The following GPR158 variants were observed in gnomAD, a reference collection of about 807,000 sequenced individuals.
GPR158 encodes metabotropic glycine receptor.
GPR158 carries 30 observed loss-of-function variants against 78.2 expected under a neutral mutation model. The observed-to-expected ratio is 0.38, with a 90% CI of 0.29 to 0.52. The LOEUF (loss-of-function observed/expected upper bound fraction) is 0.52. Ranked by LOEUF, GPR158 falls within the 20% of genes least tolerant of loss-of-function variation. The probability of loss-of-function intolerance (pLI) is 0.83; values close to 1 mark genes in which losing one functional copy is unlikely to be tolerated. For synonymous variants in GPR158, 581 were observed against 591.1 expected (o/e 0.98, Z 0.25); for missense variants, 1,463 against 1,523.5 (o/e 0.96, Z 0.66).
At chr10:25,420,328 T>TAA (rs1398703756) in intron 4 of GPR158, among the ~76,000 whole-genome samples, 1 of 15,786 alleles carries the variant, frequency 6.3e-5, no homozygotes, top group East Asian at 4.2e-4. Flanking sequence ...TTTGAAACAT[T>TAA]TTTTTGTAGA....
intron 2 of GPR158, among the ~76,000 whole-genome samples, chr10:25,235,898 A>G (rs901964663): frequency 6.6e-6 from 1 of 151,682 alleles, no homozygotes; most frequent in African/African-American, 2.4e-5. Flanking sequence ...GGGTTTCATC[A>G]TGTTAGCCAG....
intron 5 of GPR158, among the ~76,000 whole-genome samples, chr10:25,541,966 A>C: frequency 6.8e-6 from 1 of 147,544 alleles, no homozygotes; most frequent in East Asian, 1.9e-4. Context: ...TATATATTAT[A>C]TATTATAATT....
At chr10:25,527,282 C>T (rs913200239) in intron 5 of GPR158, among the ~76,000 whole-genome samples, 2 of 152,026 alleles carry the variant, frequency 1.3e-5, no homozygotes, top group African/African-American at 4.8e-5. Flanking sequence ...AATTGATATA[C>T]ACAAAACTAC....
intron 4 of GPR158, among the ~76,000 whole-genome samples, chr10:25,430,549 G>T (rs1462900517): frequency 1.3e-5 from 2 of 150,468 alleles, no homozygotes; most frequent in South Asian, 4.3e-4. Flanking sequence ...AGCCTGCATC[G>T]CCAAGTCAAT....
chr10:25,568,551 G>A (rs1356199136), intron 6 of GPR158, among the ~76,000 whole-genome samples: 1 of 152,172 alleles, frequency 6.6e-6, no homozygotes, highest in Non-Finnish European at 1.5e-5. Context: ...AAAATAAGAA[G>A]TGAACAATAT....
At chr10:25,404,266 T>C (rs1834483036) in intron 3 of GPR158, among the ~76,000 whole-genome samples, 1 of 152,100 alleles carries the variant, frequency 6.6e-6, no homozygotes, top group Admixed American at 6.6e-5. Flanking sequence ...TTTACAACTT[T>C]GTGTTCCTTT....
rs113662109 is a variant in GPR158, at chr10:25,509,194, C to T, written c.1405-41782C>T. On this transcript the variant is annotated intron_variant, in intron 5 of 10. Coordinates refer to ENST00000376351, the MANE Select transcript of GPR158 (RefSeq NM_020752.3). ...GATCAAAAATGTCTCTGGACATTTT[C>T]ACATGTCACCTGGGAGCACAATCGC... Among the ~76,000 whole-genome samples, 1,351 of 152,228 alleles carry T rather than the reference C, an allele frequency of 8.9e-3. 22 individuals are homozygous for T. The highest frequency in any genetic ancestry group is 0.031 in the African/African-American group (1,281 of 41,538).
intron 4 of GPR158, among the ~76,000 whole-genome samples, chr10:25,444,572 G>T (rs1004445382): frequency 2.7e-5 from 4 of 150,716 alleles, no homozygotes; most frequent in Non-Finnish European, 5.9e-5. Flanking sequence ...GCATTTGTGT[G>T]GAGGAGTGTG....
chr10:25,224,256 CTTGT>C (rs1564395396), intron 2 of GPR158, among the ~76,000 whole-genome samples: 1 of 151,618 alleles, frequency 6.6e-6, no homozygotes, highest in Non-Finnish European at 1.5e-5. Context: ...TTTTCTTTTG[CTTGT>C]TTGAAGTGTA....
chr10:25,196,530 T>C (rs1852846995), intron 1 of GPR158, among the ~76,000 whole-genome samples: 1 of 152,214 alleles, frequency 6.6e-6, no homozygotes, highest in South Asian at 2.1e-4. Flanking sequence ...TTTTTATGAT[T>C]GAAGGACTAG....
At chr10:25,576,158 G>A (rs1837092763) in intron 7 of GPR158, among the ~76,000 whole-genome samples, 1 of 151,994 alleles carries the variant, frequency 6.6e-6, no homozygotes. Context: ...GTCACCCAAG[G>A]GAGTGTACAT....
chr10:25,338,505 A>G (rs1049536049), intron 2 of GPR158, among the ~76,000 whole-genome samples: 21 of 138,148 alleles, frequency 1.5e-4, no homozygotes, highest in South Asian at 1.1e-3. Flanking sequence ...ACGTATATAT[A>G]TTACGTATAA....
rs1403070435 is a variant in GPR158 at position 25,284,080 on chromosome 10, T to G, written c.1008+62923T>G. ...TCCATGAATACTTGAAAATAAGATA[T>G]ATTCTGCTTTTGCTGGGTAGAGTGT... On this transcript the variant is annotated intron_variant, in intron 2 of 10. Coordinates refer to ENST00000376351, the MANE Select transcript of GPR158 (RefSeq NM_020752.3). Among the ~76,000 whole-genome samples the G allele has an allele frequency of 2.0e-5, 3 of 152,036 alleles. No individual in the cohort carries two copies. In the East Asian group the frequency reaches 5.8e-4, roughly 29 times the overall value.
Position 25,600,285 on chromosome 10 carries a change from T to C in GPR158, c.*1011T>C, listed in dbSNP as rs1461048144. ...CAATTAATTGTCCCTTTTAACTCTT[T>C]CAGTATTTCCTACTTAGCAGCATTT... On this transcript the variant is annotated 3_prime_UTR_variant, in exon 11 of 11. Transcript: ENST00000376351. The C allele has an allele frequency of 6.6e-6, 1 of 152,594 alleles. No homozygotes were observed. Among genetic ancestry groups the C allele is most frequent in the African/African-American group, 2.4e-5 (1 of 41,440 alleles). 9.5% of individuals were successfully genotyped at this position (152,594 alleles called of 1,614,324 possible). A position where few individuals can be genotyped will look rare whatever the true frequency, so the allele number is the denominator to read the frequency against.
intron 4 of GPR158, among the ~76,000 whole-genome samples, chr10:25,441,805 G>T (rs1470408898): frequency 6.6e-6 from 1 of 152,184 alleles, no homozygotes; most frequent in East Asian, 1.9e-4. Flanking sequence ...TCTTGTGTTT[G>T]TCACAATCAC....
At chr10:25,219,995 A>G (rs1379332638) in intron 1 of GPR158, among the ~76,000 whole-genome samples, 1 of 152,180 alleles carries the variant, frequency 6.6e-6, no homozygotes, top group Non-Finnish European at 1.5e-5. Flanking sequence ...TTGTAGCTAC[A>G]GGAGCTATAA....
rs183417056 is a variant in GPR158 at position 25,305,260 on chromosome 10, C to A, written c.1008+84103C>A. Among the ~76,000 whole-genome samples the A allele has an allele frequency of 2.0e-3, 311 of 152,274 alleles. 1 individual carries two copies. The highest frequency in any genetic ancestry group is 3.4e-3 in the Non-Finnish European group (234 of 68,008). ...GATGTGCTCTTTTCCCAAAGGATTC[C>A]TTCCCAGACACTTAGCATTACATGT... On this transcript the variant is annotated intron_variant, in intron 2 of 10. Coordinates refer to ENST00000376351, the MANE Select transcript of GPR158 (RefSeq NM_020752.3).
In GPR158 at chr10:25,564,343, AT is replaced by A. The variant is rs543117554; in HGVS notation, c.1515-8304del. Among the ~76,000 whole-genome samples, 250 of 152,206 alleles carry A rather than the reference AT, an allele frequency of 1.6e-3. 1 individual carries two copies. The highest frequency in any genetic ancestry group is 5.9e-3 in the African/African-American group (243 of 41,528). On this transcript the variant is annotated intron_variant, in intron 6 of 10. Transcript: ENST00000376351. ...CAGGCTTCTAGATTCCCAGAAATAT[AT>A]TGGTACTTTTCAATGCTCTTATTCC... is the stretch of plus-strand genomic sequence containing the variant.
intron 4 of GPR158, among the ~76,000 whole-genome samples, chr10:25,430,866 A>T (rs1834892598): frequency 6.6e-6 from 1 of 151,924 alleles, no homozygotes; most frequent in Admixed American, 6.6e-5. Context: ...TTAATTCAAC[A>T]TCGATTAAAG....
Sources: allele counts gnomAD v4.1 joint callset (sites outside exome capture counted in the v4.1 genomes callset), GRCh38; gene constraint gnomAD v4.1.1; transcripts MANE v1.5; gene names NCBI Gene and HGNC (gene_info 2026-07-23, HGNC 2026-07-21).